The following HLCS variants were observed in gnomAD, a reference collection of about 807,000 sequenced individuals.
HLCS encodes biotin--protein ligase.
HLCS carries 53 observed loss-of-function variants against 75.0 expected under a neutral mutation model. The ratio of observed to expected loss-of-function variants is 0.71; its 90% confidence interval spans 0.57 to 0.89. The LOEUF is 0.89. Among genes scored for constraint, HLCS ranks in the 40% least tolerant of loss-of-function variants. The pLI, the probability that HLCS is intolerant of heterozygous loss-of-function variation, is 0.00. For synonymous variants in HLCS, 431 were observed against 428.6 expected, an observed-to-expected ratio of 1.01 and a Z score of -0.07; for missense variants, 966 against 1,074.0, an observed-to-expected ratio of 0.90 and a Z score of 1.41.
intron 5 of HLCS, among the ~76,000 whole-genome samples, chr21:36,911,993 C>A (rs2065736183): frequency 6.6e-6 from 1 of 151,420 alleles, no homozygotes; most frequent in Non-Finnish European, 1.5e-5. Flanking sequence ...ATCGCTTGAA[C>A]CCAGGAGGCG....
At chr21:36,776,851 GC>G (rs1346786355) in intron 6 of HLCS, among the ~76,000 whole-genome samples, 18 of 152,368 alleles carry the variant, frequency 1.2e-4, no homozygotes, top group Admixed American at 3.9e-4. Flanking sequence ...AGGCAGCCAT[GC>G]CTGTGTCTCA....
At chr21:36,947,408 T>G (rs2067455671) in intron 2 of HLCS, 1 of 985,216 alleles carries the variant, frequency 1.0e-6, no homozygotes, top group Non-Finnish European at 1.2e-6. Context: ...CAGCGCTGGG[T>G]GCTCCGATCA....
At chr21:36,860,903 A>C (rs1430105715) in intron 6 of HLCS, among the ~76,000 whole-genome samples, 3 of 152,254 alleles carry the variant, frequency 2.0e-5, no homozygotes, top group Non-Finnish European at 4.4e-5. Context: ...ATTATCACTC[A>C]ATCAATTACC....
At chr21:36,872,390 C>CAAAAA (rs374943958) in intron 6 of HLCS, among the ~76,000 whole-genome samples, 1 of 85,398 alleles carries the variant, frequency 1.2e-5, no homozygotes. Flanking sequence ...GCCTCTGTCT[C>CAAAAA]AAAAAAAAAA....
intron 6 of HLCS, among the ~76,000 whole-genome samples, chr21:36,785,663 A>G (rs1569006154): frequency 6.6e-6 from 1 of 152,200 alleles, no homozygotes; most frequent in Non-Finnish European, 1.5e-5. Context: ...TTAGGTCTCC[A>G]GTTGGCTTCC....
intron 6 of HLCS, among the ~76,000 whole-genome samples, chr21:36,866,009 G>A (rs1301706907): frequency 6.6e-6 from 1 of 152,160 alleles, no homozygotes; most frequent in Non-Finnish European, 1.5e-5. Context: ...TTTTTTCACA[G>A]ATCCATTCAA....
chr21:36,988,392 CCTCA>C (rs1415970400), intron 1 of HLCS, among the ~76,000 whole-genome samples: 1 of 152,190 alleles, frequency 6.6e-6, no homozygotes, highest in Admixed American at 6.5e-5. Context: ...CAGAGACCTT[CCTCA>C]CTGTTTTTTA....
intron 6 of HLCS, among the ~76,000 whole-genome samples, chr21:36,879,142 A>AATT (rs371280985): frequency 1 from 152,283 of 152,288 alleles, 76,139 homozygotes; most frequent in Middle Eastern, 1. Flanking sequence ...ATTGGAATAT[A>AATT]ACATAATTAT....
intron 2 of HLCS, among the ~76,000 whole-genome samples, chr21:36,949,335 C>A (rs538813230): frequency 6.6e-6 from 1 of 152,368 alleles, no homozygotes; most frequent in East Asian, 1.9e-4. Flanking sequence ...TGTCACTGAG[C>A]TGGAGCTGCC....
chr21:36,905,141 T>C (rs1157607472), intron 5 of HLCS, among the ~76,000 whole-genome samples: 1 of 152,226 alleles, frequency 6.6e-6, no homozygotes, highest in Non-Finnish European at 1.5e-5. Flanking sequence ...CACTGTCTTA[T>C]TAGAATATAA....
chr21:36,937,193 C>T lies in HLCS; in HGVS notation c.693G>A (p.Glu231=). 1.2e-6 allele frequency: 2 copies of T among 1,614,202 alleles called. No homozygotes were observed. The highest frequency in any genetic ancestry group is 1.7e-6 in the Non-Finnish European group (2 of 1,180,044). The change falls in exon 4 of 11, where the codon GAG becomes GAA. Residue 231 remains glutamate (E), a synonymous_variant. Coordinates refer to ENST00000674895, the MANE Select transcript of HLCS (RefSeq NM_001352514.2). ...KQRRGSASGS[E]PAGDSDRGGG... is the part of the protein sequence containing the mutation. ...CTCCCCTGTCACTGTCCCCAGCAGG[C>T]TCACTCCCAGAGGCACTGCCTCTCC...
At chr21:36,851,019 T>G (rs979127453) in intron 6 of HLCS, among the ~76,000 whole-genome samples, 1 of 152,166 alleles carries the variant, frequency 6.6e-6, no homozygotes, top group African/African-American at 2.4e-5. Context: ...TTAGGAACTG[T>G]GTACTCCAAA....
At chr21:36,835,182 A>C (rs746387373) in intron 6 of HLCS, among the ~76,000 whole-genome samples, 1 of 152,200 alleles carries the variant, frequency 6.6e-6, no homozygotes, top group African/African-American at 2.4e-5. Context: ...CGTCTGATTC[A>C]GATGATCAGT....
At chr21:36,878,007 G>GTT (rs536564053) in intron 6 of HLCS, among the ~76,000 whole-genome samples, 12 of 144,244 alleles carry the variant, frequency 8.3e-5, no homozygotes, top group African/African-American at 3.0e-4. Flanking sequence ...TTCAGTACTT[G>GTT]TTTTTTTTTT....
chr21:36,926,232 G>A (rs1160927684), intron 5 of HLCS, among the ~76,000 whole-genome samples: 1 of 152,178 alleles, frequency 6.6e-6, no homozygotes, highest in African/African-American at 2.4e-5. Flanking sequence ...CAGGGGTAGG[G>A]CACCCAGGGG....
At chr21:36,772,244 T>C (rs2060229224) in intron 6 of HLCS, among the ~76,000 whole-genome samples, 1 of 152,080 alleles carries the variant, frequency 6.6e-6, no homozygotes, top group Non-Finnish European at 1.5e-5. Flanking sequence ...TACAATGATG[T>C]AGATATATAA....
chr21:36,887,144 A>G (rs1419673708), intron 6 of HLCS, among the ~76,000 whole-genome samples: 2 of 151,952 alleles, frequency 1.3e-5, no homozygotes, highest in East Asian at 3.9e-4. Flanking sequence ...AAAAAAAAAA[A>G]AGTCAGCAGT....
intron 5 of HLCS, among the ~76,000 whole-genome samples, chr21:36,921,693 C>T (rs1028907924): frequency 1.3e-5 from 2 of 152,150 alleles, no homozygotes; most frequent in Non-Finnish European, 2.9e-5. Flanking sequence ...ATCTCAGCCT[C>T]GGAGGCGCAG....
chr21:36,754,475 A>C, intron 10 of HLCS, 58 bp from the exon 11 acceptor site: 1 of 1,539,058 alleles, frequency 6.5e-7, no homozygotes, highest in Non-Finnish European at 8.8e-7. Context: ...ACTTAAGACA[A>C]TGAGCTGAAG....
Sources: allele counts gnomAD v4.1 joint callset (sites outside exome capture counted in the v4.1 genomes callset), GRCh38; gene constraint gnomAD v4.1.1; transcripts MANE v1.5; gene names NCBI Gene and HGNC (gene_info 2026-07-23, HGNC 2026-07-21).